The following GRIP1 variants were observed in gnomAD, a reference collection of about 807,000 sequenced individuals.
The protein encoded by GRIP1 is glutamate receptor interacting protein 1.
Under a neutral mutation model 129.9 loss-of-function variants are expected in GRIP1, and 45 were observed. The observed-to-expected ratio is 0.35, with a 90% CI of 0.27 to 0.44. The LOEUF (loss-of-function observed/expected upper bound fraction) is 0.44. Ranked by LOEUF, GRIP1 falls within the 20% of genes least tolerant of loss-of-function variation. GRIP1 has a pLI of 1.00. For missense variants in GRIP1, 1,196 were observed against 1,396.8 expected, an observed-to-expected ratio of 0.86 and a Z score of 2.29; for synonymous variants, 530 against 520.8, an observed-to-expected ratio of 1.02 and a Z score of -0.24.
intron 23 of GRIP1, among the ~76,000 whole-genome samples, chr12:66,361,194 T>C (rs2054742896): frequency 6.6e-6 from 1 of 152,088 alleles, no homozygotes. Context: ...TTGAGAGGAA[T>C]TGGGTCAGAA....
intron 23 of GRIP1, among the ~76,000 whole-genome samples, chr12:66,369,387 A>G (rs1168330): frequency 0.6 from 85,712 of 143,764 alleles, 27,623 homozygotes; most frequent in African/African-American, 0.85. Flanking sequence ...TTTAAACCTC[A>G]GCTATAACAA....
At chr12:66,565,532 T>C (rs566986679) in intron 2 of GRIP1, among the ~76,000 whole-genome samples, 2 of 152,338 alleles carry the variant, frequency 1.3e-5, no homozygotes, top group South Asian at 2.1e-4. Flanking sequence ...TGTAGCCTTG[T>C]AGTATAGTTT....
chr12:66,794,320 G>C (rs1185694960), intron 1 of GRIP1, among the ~76,000 whole-genome samples: 1 of 152,156 alleles, frequency 6.6e-6, no homozygotes, highest in East Asian at 1.9e-4. Context: ...TTTTAAGACA[G>C]AAACATCTAT....
chr12:66,380,444 T>A (rs57892369), intron 19 of GRIP1, among the ~76,000 whole-genome samples: 2,372 of 152,254 alleles, frequency 0.016, 64 homozygotes, highest in African/African-American at 0.053. Flanking sequence ...CCTGCTGCGT[T>A]TATTGTTTAT....
At chr12:66,413,299 T>C (rs995869167) in intron 15 of GRIP1, among the ~76,000 whole-genome samples, 2 of 152,086 alleles carry the variant, frequency 1.3e-5, no homozygotes, top group Non-Finnish European at 2.9e-5. Context: ...GATTAAGAAA[T>C]TCACTCTAAA....
chr12:66,462,532 T>C (rs941086978), intron 9 of GRIP1, among the ~76,000 whole-genome samples: 6 of 152,092 alleles, frequency 3.9e-5, no homozygotes, highest in African/African-American at 1.2e-4. Context: ...GCAAATTATG[T>C]GTGGCTTAGA....
chr12:66,687,857 G>T (rs970443108), intron 1 of GRIP1, among the ~76,000 whole-genome samples: 1 of 152,246 alleles, frequency 6.6e-6, no homozygotes, highest in Middle Eastern at 3.4e-3. Context: ...CCTTAGTCAC[G>T]GGGACTGGTC....
intron 5 of GRIP1, among the ~76,000 whole-genome samples, chr12:66,521,266 TTTGA>T (rs1376050684): frequency 2.6e-5 from 4 of 152,238 alleles, no homozygotes; most frequent in Admixed American, 1.3e-4. Context: ...TTAATAAACA[TTTGA>T]TTGATTGATT....
At chr12:66,498,902 T>C (rs11176236) in intron 7 of GRIP1, among the ~76,000 whole-genome samples, 7,237 of 152,224 alleles carry the variant, frequency 0.048, 561 homozygotes, top group African/African-American at 0.16. Context: ...TAAATATTTA[T>C]AGCCTGTGAC....
At chr12:66,432,883 C>T (rs770982311) in intron 13 of GRIP1, among the ~76,000 whole-genome samples, 2 of 152,144 alleles carry the variant, frequency 1.3e-5, no homozygotes, top group African/African-American at 2.4e-5. Flanking sequence ...CATGCACCAT[C>T]TACATCAAAT....
At chr12:66,536,068 C>CTCACAAAGGGTT (rs2061595986) in intron 4 of GRIP1, among the ~76,000 whole-genome samples, 1 of 152,160 alleles carries the variant, frequency 6.6e-6, no homozygotes, top group Non-Finnish European at 1.5e-5. Flanking sequence ...TTGGGGTTAA[C>CTCACAAAGGGTT]TTTGACTCCT....
At chr12:66,590,254 C>T (rs560281772) in intron 2 of GRIP1, among the ~76,000 whole-genome samples, 1 of 152,300 alleles carries the variant, frequency 6.6e-6, no homozygotes, top group African/African-American at 2.4e-5. Flanking sequence ...CCCTAAATTG[C>T]ATGCTGGAAG....
intron 1 of GRIP1, among the ~76,000 whole-genome samples, chr12:66,773,688 C>G (rs966605890): frequency 6.6e-6 from 1 of 151,908 alleles, no homozygotes; most frequent in Non-Finnish European, 1.5e-5. Flanking sequence ...CACGTGTATC[C>G]CAGAACTTAA....
intron 22 of GRIP1, 60 bp from the exon 23 acceptor site, chr12:66,371,987 C>T: frequency 1.8e-6 from 2 of 1,092,118 alleles, no homozygotes; most frequent in Non-Finnish European, 1.4e-6. Context: ...GGATTTGGTG[C>T]TCAACAGTAA....
intron 1 of GRIP1, among the ~76,000 whole-genome samples, chr12:66,653,261 A>C (rs567567657): frequency 1.1e-4 from 16 of 149,464 alleles, no homozygotes; most frequent in Admixed American, 3.4e-4. Context: ...TTACCCCATC[A>C]TAACTTTCCA....
At chr12:66,883,957 C>G (rs1449428324) in intron 1 of GRIP1, among the ~76,000 whole-genome samples, 1 of 152,164 alleles carries the variant, frequency 6.6e-6, no homozygotes, top group Non-Finnish European at 1.5e-5. Context: ...GCACATTGTT[C>G]AAAAATATTA....
chr12:66,406,532 A>G, intron 15 of GRIP1, 104 bp from the exon 16 acceptor site: 1 of 1,116,088 alleles, frequency 9.0e-7, no homozygotes, highest in Non-Finnish European at 1.4e-6. Flanking sequence ...CTTTAGAGGA[A>G]AAGAGGTTCA....
intron 11 of GRIP1, among the ~76,000 whole-genome samples, chr12:66,448,032 T>C (rs1363735924): frequency 1.3e-5 from 2 of 152,172 alleles, no homozygotes; most frequent in Admixed American, 1.3e-4. Context: ...CCTCCAAGTC[T>C]TTTCTACTCT....
chr12:66,605,571 C>T (rs550649659), intron 1 of GRIP1, among the ~76,000 whole-genome samples: 17 of 152,074 alleles, frequency 1.1e-4, no homozygotes, highest in African/African-American at 3.1e-4. Context: ...ATCTGTGGGG[C>T]GGAGCATTCC....
Sources: gnomAD v4.1 joint callset for allele counts (sites outside exome capture counted in the v4.1 genomes callset) on GRCh38, gnomAD v4.1.1 for gene constraint, MANE v1.5 for transcripts, NCBI Gene and HGNC (gene_info 2026-07-23, HGNC 2026-07-21) for gene names.